Variants in GRIN2A observed in about 807,000 individuals in gnomAD.
GRIN2A encodes the protein glutamate receptor ionotropic, NMDA 2A.
GRIN2A carries 22 observed loss-of-function variants against 113.4 expected under a neutral mutation model. That is an observed-to-expected ratio of 0.19 (90% confidence interval 0.14 to 0.28). GRIN2A has a LOEUF of 0.28. Ranked by LOEUF, GRIN2A falls within the 10% of genes least tolerant of loss-of-function variation. The pLI is 1.00. For missense variants in GRIN2A, 1,502 were observed against 1,887.0 expected (o/e 0.80, Z 3.78); for synonymous variants, 827 against 738.4 (o/e 1.12, Z -1.94).
intron 12 of GRIN2A, among the ~76,000 whole-genome samples, chr16:9,765,399 A>G (rs1900851481): frequency 6.6e-6 from 1 of 152,246 alleles, no homozygotes; most frequent in Non-Finnish European, 1.5e-5. Context: ...AGGATCATCC[A>G]TTGTTAATTC....
chr16:9,846,930 A>T (rs1228763475), intron 5 of GRIN2A, among the ~76,000 whole-genome samples: 1 of 152,188 alleles, frequency 6.6e-6, no homozygotes, highest in Non-Finnish European at 1.5e-5. Context: ...GGAGGTGGCC[A>T]TGGAGGTTTC....
chr16:10,154,880 G>A (rs2049656480), intron 2 of GRIN2A, among the ~76,000 whole-genome samples: 1 of 152,140 alleles, frequency 6.6e-6, no homozygotes, highest in African/African-American at 2.4e-5. Flanking sequence ...CAGGGCAATG[G>A]TTTTTGTCAT....
chr16:10,123,881 T>C (rs2048878172), intron 2 of GRIN2A, among the ~76,000 whole-genome samples: 1 of 152,180 alleles, frequency 6.6e-6, no homozygotes, highest in African/African-American at 2.4e-5. Flanking sequence ...AAAATAACAG[T>C]ACAAATAGAG....
At chr16:10,066,200 G>A (rs73508696) in intron 2 of GRIN2A, among the ~76,000 whole-genome samples, 4,321 of 152,206 alleles carry the variant, frequency 0.028, 223 homozygotes, top group African/African-American at 0.099. Flanking sequence ...TTTGAAGTTT[G>A]GGATGCGTCT....
intron 11 of GRIN2A, among the ~76,000 whole-genome samples, chr16:9,797,046 A>C (rs1464903936): frequency 1.3e-5 from 2 of 152,254 alleles, no homozygotes; most frequent in Non-Finnish European, 2.9e-5. Flanking sequence ...AATAGAAAGA[A>C]GATAAGAAGC....
intron 2 of GRIN2A, among the ~76,000 whole-genome samples, chr16:10,113,179 G>A (rs920294993): frequency 1.6e-4 from 24 of 152,152 alleles, no homozygotes; most frequent in African/African-American, 5.5e-4. Flanking sequence ...GCTCCAGCAT[G>A]GCCCCCACCC....
chr16:9,912,986 G>T (rs2044176174), intron 3 of GRIN2A, among the ~76,000 whole-genome samples: 1 of 152,220 alleles, frequency 6.6e-6, no homozygotes, highest in Admixed American at 6.5e-5. Context: ...CTCTGCCCTT[G>T]GCCTCGCCAT....
intron 2 of GRIN2A, among the ~76,000 whole-genome samples, chr16:10,157,996 T>C (rs540346229): frequency 1.3e-5 from 2 of 151,948 alleles, no homozygotes. Context: ...CTATATTTAT[T>C]TTTATTTATT....
Position 9,757,331 on chromosome 16 carries a change from G to A in GRIN2A, c.*5818C>T, listed in dbSNP as rs8044472. Reference sequence around the variant, plus strand: ...TCCGGGACCACTAACTCTATTCTCCGGAGTTACTTAAAGGTTTAGGGAAGG... The same window carrying A: ...TCCGGGACCACTAACTCTATTCTCCAGAGTTACTTAAAGGTTTAGGGAAGG... On this transcript the variant is annotated 3_prime_UTR_variant, in exon 13 of 13. Transcript: ENST00000330684. 0.8 allele frequency: 177,361 copies of A among 220,716 alleles called. 71,977 individuals carry two copies. Among genetic ancestry groups the A allele is most frequent in the Middle Eastern group, 0.9 (631 of 700 alleles). 13.7% of individuals were successfully genotyped at this position (220,716 alleles called of 1,614,324 possible).
At chr16:10,135,703 G>C (rs2049178127) in intron 2 of GRIN2A, among the ~76,000 whole-genome samples, 1 of 152,136 alleles carries the variant, frequency 6.6e-6, no homozygotes, top group South Asian at 2.1e-4. Flanking sequence ...GGGCAGGCTG[G>C]AACTTCTGGG....
intron 2 of GRIN2A, among the ~76,000 whole-genome samples, chr16:10,034,535 CAAAAAAAAAA>C (rs58076569): frequency 1.1e-4 from 4 of 36,430 alleles, no homozygotes; most frequent in Non-Finnish European, 1.5e-4. Flanking sequence ...CAAAAAAAAG[CAAAAAAAAAA>C]AAAAAAAAAA....
At chr16:9,962,412 A>C (rs1210169792) in intron 2 of GRIN2A, among the ~76,000 whole-genome samples, 1 of 152,184 alleles carries the variant, frequency 6.6e-6, no homozygotes, top group Non-Finnish European at 1.5e-5. Flanking sequence ...AAACAAATTT[A>C]CAAGAAAAAA....
At chr16:10,150,655 C>G (rs1207772908) in intron 2 of GRIN2A, among the ~76,000 whole-genome samples, 1 of 147,304 alleles carries the variant, frequency 6.8e-6, no homozygotes, top group South Asian at 2.3e-4. Flanking sequence ...CACTTGCAGT[C>G]ACCTGCTGCC....
chr16:9,849,615 TG>T lies in GRIN2A; in HGVS notation c.1328+140del, dbSNP rs1316149464. On this transcript the variant is annotated intron_variant, in intron 5 of 12. Coordinates refer to ENST00000330684, the MANE Select transcript of GRIN2A (RefSeq NM_001134407.3). ...GAATTTATCTAAGTCTTTTTTAAAT[TG>T]ATTATTGTATTATACCTACTATAAC... 2.2e-5 allele frequency: 16 copies of T among 730,230 alleles called. 1 individual carries two copies. The highest frequency in any genetic ancestry group is 2.0e-4 in the Admixed American group (10 of 48,906). 45.2% of individuals were successfully genotyped at this position (730,230 alleles called of 1,614,324 possible).
intron 8 of GRIN2A, among the ~76,000 whole-genome samples, chr16:9,831,746 C>T (rs2042500236): frequency 6.6e-6 from 1 of 151,826 alleles, no homozygotes; most frequent in Non-Finnish European, 1.5e-5. Flanking sequence ...AAACTCCTGA[C>T]CTCAAGTGAT....
At chr16:10,144,955 TAAAG>T (rs2049407909) in intron 2 of GRIN2A, among the ~76,000 whole-genome samples, 1 of 95,230 alleles carries the variant, frequency 1.1e-5, no homozygotes, top group African/African-American at 3.8e-5. Context: ...GATGAATGAA[TAAAG>T]AAAATGTGAC....
chr16:10,022,474 C>T (rs886408148), intron 2 of GRIN2A, among the ~76,000 whole-genome samples: 2 of 152,184 alleles, frequency 1.3e-5, no homozygotes, highest in African/African-American at 2.4e-5. Context: ...GGTTTAGCCT[C>T]GCTTTAAAGT....
At chr16:9,830,861 G>A (rs1204244858) in intron 8 of GRIN2A, among the ~76,000 whole-genome samples, 1 of 152,314 alleles carries the variant, frequency 6.6e-6, no homozygotes, top group African/African-American at 2.4e-5. Context: ...TTATTCTCAA[G>A]AGGCAGGAAA....
chr16:9,927,538 C>G (rs2044492427), intron 3 of GRIN2A, among the ~76,000 whole-genome samples: 1 of 152,148 alleles, frequency 6.6e-6, no homozygotes, highest in Non-Finnish European at 1.5e-5. Context: ...CAAACTTCTT[C>G]TGGAATTTTT....
Sources: allele counts gnomAD v4.1 joint callset (sites outside exome capture counted in the v4.1 genomes callset), GRCh38; gene constraint gnomAD v4.1.1; transcripts MANE v1.5; gene names NCBI Gene and HGNC (gene_info 2026-07-23, HGNC 2026-07-21).